The following SLC24A2 variants were observed in gnomAD, a reference collection of about 807,000 sequenced individuals.
The protein encoded by SLC24A2 is sodium/potassium/calcium exchanger 2.
A neutral mutation model predicts 62.0 loss-of-function variants in SLC24A2; 36 were observed. The ratio of observed to expected loss-of-function variants is 0.58; its 90% CI spans 0.44 to 0.77. SLC24A2 has a LOEUF of 0.77. Among genes scored for constraint, SLC24A2 ranks in the 30% least tolerant of loss-of-function variants. The pLI, the probability that SLC24A2 is intolerant of heterozygous loss-of-function variation, is 0.00. For missense variants in SLC24A2, 846 were observed against 817.9 expected, an observed-to-expected ratio of 1.03 and a Z score of -0.42; for synonymous variants, 358 against 294.0, an observed-to-expected ratio of 1.22 and a Z score of -2.23.
chr9:19,839,947 T>C, the SLC24A2 span, among the ~76,000 whole-genome samples: 4 of 152,222 alleles, frequency 2.6e-5, no homozygotes, highest in Non-Finnish European at 5.9e-5. Context: ...AGGTTTGTGG[T>C]AAGCTATATC....
the SLC24A2 span, among the ~76,000 whole-genome samples, chr9:20,189,728 G>T: frequency 2.0e-5 from 3 of 152,210 alleles, no homozygotes; most frequent in African/African-American, 7.2e-5. Flanking sequence ...TTTCCTTGGT[G>T]TCCACAGCTA....
chr9:20,077,925 C>A, the SLC24A2 span, among the ~76,000 whole-genome samples: 2 of 152,030 alleles, frequency 1.3e-5, no homozygotes, highest in Non-Finnish European at 2.9e-5. Flanking sequence ...ATCATAGATG[C>A]AAACTAAATT....
the SLC24A2 span, among the ~76,000 whole-genome samples, chr9:20,163,216 T>G: frequency 0.016 from 2,377 of 151,934 alleles, 73 homozygotes; most frequent in African/African-American, 0.051. Flanking sequence ...TGACATGATT[T>G]TATATCTAGA....
chr9:19,564,795 C>T (rs1034615975), intron 7 of SLC24A2, among the ~76,000 whole-genome samples: 2 of 152,256 alleles, frequency 1.3e-5, no homozygotes, highest in Non-Finnish European at 1.5e-5. Flanking sequence ...AAGGAATTTG[C>T]AAGTCTCTCC....
chr9:20,131,589 T>C, the SLC24A2 span, among the ~76,000 whole-genome samples: 2 of 152,118 alleles, frequency 1.3e-5, no homozygotes, highest in African/African-American at 2.4e-5. Flanking sequence ...TTTCCTGTGA[T>C]GAGGGAAAGC....
chr9:20,169,018 C>G, the SLC24A2 span, among the ~76,000 whole-genome samples: 2 of 151,878 alleles, frequency 1.3e-5, no homozygotes, highest in South Asian at 4.1e-4. Context: ...ATTACTCAGT[C>G]ATTAAAAGAA....
chr9:19,552,534 G>C (rs1168611970), intron 7 of SLC24A2, among the ~76,000 whole-genome samples: 1 of 151,934 alleles, frequency 6.6e-6, no homozygotes, highest in African/African-American at 2.4e-5. Flanking sequence ...TTTTCTAGCA[G>C]AGAGTCAGTC....
At chr9:19,732,426 T>G (rs1037365402) in intron 2 of SLC24A2, among the ~76,000 whole-genome samples, 1 of 152,196 alleles carries the variant, frequency 6.6e-6, no homozygotes, top group Non-Finnish European at 1.5e-5. Flanking sequence ...CCCCAACCCA[T>G]GCAACTCCAT....
the SLC24A2 span, among the ~76,000 whole-genome samples, chr9:20,283,755 G>C: frequency 7.6e-5 from 11 of 144,942 alleles, no homozygotes; most frequent in Admixed American, 4.8e-4. Flanking sequence ...AAAAAAAGGG[G>C]GGGGGGGGCT....
chr9:19,932,851 C>T, the SLC24A2 span, among the ~76,000 whole-genome samples: 12 of 152,226 alleles, frequency 7.9e-5, no homozygotes, highest in Non-Finnish European at 1.6e-4. Flanking sequence ...GGTTTTTCCT[C>T]ATCTCACCCC....
intron 2 of SLC24A2, among the ~76,000 whole-genome samples, chr9:19,723,413 A>C (rs1296345840): frequency 1.3e-5 from 2 of 152,182 alleles, no homozygotes; most frequent in African/African-American, 4.8e-5. Flanking sequence ...TCATTTAAAA[A>C]AAATATTTAA....
the SLC24A2 span, among the ~76,000 whole-genome samples, chr9:19,912,119 C>T: frequency 2.6e-5 from 4 of 151,964 alleles, 1 homozygote; most frequent in African/African-American, 9.7e-5. Context: ...TTCAAACCCC[C>T]GGGGTGGGGA....
At chr9:19,750,527 G>C (rs1256414659) in intron 2 of SLC24A2, among the ~76,000 whole-genome samples, 1 of 152,068 alleles carries the variant, frequency 6.6e-6, no homozygotes, top group Non-Finnish European at 1.5e-5. Flanking sequence ...TTTAGTTCAA[G>C]TCATCATTGT....
chr9:20,162,649 A>G, the SLC24A2 span, among the ~76,000 whole-genome samples: 1 of 152,102 alleles, frequency 6.6e-6, no homozygotes, highest in Non-Finnish European at 1.5e-5. Flanking sequence ...CATCATCCTG[A>G]TACCAAAGCT....
intron 2 of SLC24A2, among the ~76,000 whole-genome samples, chr9:19,647,963 G>A (rs1434178324): frequency 1.3e-5 from 2 of 152,096 alleles, no homozygotes; most frequent in Admixed American, 6.5e-5. Context: ...CCTATTGGTG[G>A]TAGTGACAGG....
At chr9:19,748,126 C>G (rs1389259273) in intron 2 of SLC24A2, among the ~76,000 whole-genome samples, 1 of 152,046 alleles carries the variant, frequency 6.6e-6, no homozygotes, top group Non-Finnish European at 1.5e-5. Flanking sequence ...ATGTGTGTTC[C>G]CAGGTTATTT....
the SLC24A2 span, among the ~76,000 whole-genome samples, chr9:20,124,999 GCTCA>G: frequency 6.6e-6 from 1 of 152,154 alleles, no homozygotes; most frequent in Non-Finnish European, 1.5e-5. Flanking sequence ...AAATCCAGAT[GCTCA>G]CTAACAGGCA....
chr9:19,560,172 G>A (rs1398145714), intron 7 of SLC24A2, among the ~76,000 whole-genome samples: 1 of 152,164 alleles, frequency 6.6e-6, no homozygotes, highest in East Asian at 1.9e-4. Context: ...TGAAAACAGG[G>A]AGAGTCTGGA....
intron 5 of SLC24A2, among the ~76,000 whole-genome samples, chr9:19,577,569 A>G (rs1318976131): frequency 6.6e-6 from 1 of 152,160 alleles, no homozygotes; most frequent in Non-Finnish European, 1.5e-5. Context: ...CTGTTTCTAA[A>G]CGAGTAAGGA....
Sources: gnomAD v4.1 joint callset for allele counts (sites outside exome capture counted in the v4.1 genomes callset) on GRCh38, gnomAD v4.1.1 for gene constraint, MANE v1.5 for transcripts, NCBI Gene and HGNC (gene_info 2026-07-23, HGNC 2026-07-21) for gene names.